RPS3: variants seen among roughly 807,000 people sequenced by gnomAD.
RPS3 encodes ribosomal protein S3, also known as small ribosomal subunit protein uS3.
In RPS3, 2 loss-of-function variants were observed where a neutral mutation model predicts 25.8. That is an observed-to-expected ratio of 0.08 (90% CI 0.03 to 0.24). RPS3 has a LOEUF of 0.24. Among genes scored for constraint, RPS3 ranks in the 10% least tolerant of loss-of-function variants. The pLI is 1.00. For missense variants in RPS3, 107 were observed against 307.1 expected (o/e 0.35, Z 4.87); for synonymous variants, 114 against 114.2 (o/e 1.00, Z 0.01).
At chr11:75,405,122 CTCCCTTATTT>C (rs1948267354) in intron 6 of RPS3, 10 of 316,106 alleles carry the variant, frequency 3.2e-5, no homozygotes, top group Non-Finnish European at 5.8e-6. Context: ...TTCCCTTATC[CTCCCTTATTT>C]GCTCAAAATT....
chr11:75,411,199 A>G (rs987117387), downstream of RPS3, among the ~76,000 whole-genome samples: 1 of 151,768 alleles, frequency 6.6e-6, no homozygotes, highest in Middle Eastern at 3.2e-3. Context: ...TTTAGTAGAG[A>G]TGGGGTTTCA....
At chr11:75,419,289 C>T (rs902783544) in intron 6 of RPS3, among the ~76,000 whole-genome samples, 24 of 152,110 alleles carry the variant, frequency 1.6e-4, no homozygotes, top group African/African-American at 4.8e-5. Context: ...CTTGGTGGCT[C>T]ATGCCTGTAA....
At chr11:75,399,864 G>A in intron 1 of RPS3, 1 of 529,672 alleles carries the variant, frequency 1.9e-6, no homozygotes, top group Admixed American at 3.7e-5. Flanking sequence ...ATTAGTAAAC[G>A]TGGTATTTTG....
intron 6 of RPS3, chr11:75,405,070 C>T (rs936773644): frequency 2.4e-6 from 1 of 424,150 alleles, no homozygotes; most frequent in Admixed American, 4.0e-5. Flanking sequence ...TTATTCTTTC[C>T]AGAAAGAAGT....
intron 6 of RPS3, among the ~76,000 whole-genome samples, chr11:75,415,032 C>A (rs144586224): frequency 6.6e-6 from 1 of 152,214 alleles, no homozygotes; most frequent in East Asian, 1.9e-4. Context: ...ACAGACCCCA[C>A]CCAGTCCACC....
chr11:75,419,896 A>G (rs1239705410), intron 6 of RPS3, among the ~76,000 whole-genome samples: 2 of 152,228 alleles, frequency 1.3e-5, no homozygotes, highest in East Asian at 3.9e-4. Context: ...GGCCTCCCTA[A>G]GTACTGGGTT....
intron 2 of RPS3, among the ~76,000 whole-genome samples, chr11:75,401,425 G>C (rs1043112513): frequency 4.6e-5 from 7 of 152,154 alleles, no homozygotes; most frequent in African/African-American, 1.7e-4. Flanking sequence ...TTGAGCTCAA[G>C]AGGTTCAGGC....
chr11:75,420,660 G>A (rs1948435432), intron 6 of RPS3, among the ~76,000 whole-genome samples: 1 of 152,094 alleles, frequency 6.6e-6, no homozygotes, highest in South Asian at 2.1e-4. Flanking sequence ...AGTGTAGTCA[G>A]TGGGAAGCCT....
chr11:75,405,369 T>C (rs1319229107), intron 6 of RPS3: 1 of 289,066 alleles, frequency 3.5e-6, no homozygotes, highest in Non-Finnish European at 6.7e-6. Context: ...TATTCTGTCC[T>C]TTAGCAGCCC....
chr11:75,409,897 G>A (rs1445713503), downstream of RPS3, among the ~76,000 whole-genome samples: 5 of 143,260 alleles, frequency 3.5e-5, no homozygotes, highest in Admixed American at 6.9e-5. Context: ...GCCGGGCAGA[G>A]GCGCCCCTCA....
In RPS3 at chr11:75,404,862, A is replaced by G. The variant is rs1948262271; in HGVS notation, c.729A>G (p.Ala243=). 1.2e-6 allele frequency: 2 copies of G among 1,603,964 alleles called. No homozygotes were observed. Among genetic ancestry groups the G allele is most frequent in the African/African-American group, 1.3e-5 (1 of 74,744 alleles). Residue 243 remains alanine (A), a synonymous_variant, in exon 6 of 7, where the codon GCA becomes GCG. Coordinates refer to ENST00000531188, the MANE Select transcript of RPS3 (RefSeq NM_001005.5). This position sits in a 1 kb window ranked among gnomAD's most constrained non-coding sequence, Gnocchi z 4.6. ...PPAMPQPVPT[A] is the part of the protein sequence containing the mutation. ...CCATGCCCCAGCCAGTCCCCACAGC[A>G]TAACAGGTATGTCTGCAAGGGCAGG...
At chr11:75,405,520 G>A in intron 6 of RPS3, 94 bp from the exon 7 acceptor site, 1 of 424,662 alleles carries the variant, frequency 2.4e-6, no homozygotes, top group South Asian at 1.7e-5. Flanking sequence ...TAATGTTGCT[G>A]CAAACCCTAA....
chr11:75,421,927 A>AAT (rs966423940), exon 7 of RPS3: 1 of 152,196 alleles, frequency 6.6e-6, no homozygotes, highest in African/African-American at 2.4e-5. Context: ...TTTAACTGTT[A>AAT]ATATATATAG....
chr11:75,412,212 G>C (rs574345785), intron 6 of RPS3, among the ~76,000 whole-genome samples: 1 of 152,146 alleles, frequency 6.6e-6, no homozygotes, highest in South Asian at 2.1e-4. Flanking sequence ...AGCCTTCCCT[G>C]ATCTGGCTCT....
chr11:75,400,807 C>A lies in RPS3; in HGVS notation c.144C>A (p.Ile48=). 6.2e-7 allele frequency: 1 copy of A among 1,612,134 alleles called. No homozygotes were observed. The highest frequency in any genetic ancestry group is 1.1e-5 in the South Asian group (1 of 90,962). ...EVRVTPTRTE[I]IILATRTQNV... ...GAGTTACACCAACCAGGACAGAAAT[C>A]ATTATCTTAGCCACCAGGTAAAACT... Residue 48 remains isoleucine (I), a synonymous_variant, in exon 2 of 7, where the codon ATC becomes ATA. Transcript: ENST00000531188.
At chr11:75,401,962 A>G (rs868306373) in intron 3 of RPS3, 4 of 568,252 alleles carry the variant, frequency 7.0e-6, no homozygotes, top group South Asian at 2.2e-5. Flanking sequence ...ATGATGGATT[A>G]ACTGTCCCCA....
intron 4 of RPS3, chr11:75,402,873 T>C (rs950607984): frequency 6.4e-6 from 1 of 155,204 alleles, no homozygotes; most frequent in Admixed American, 6.3e-5. Flanking sequence ...ACCATGAAAC[T>C]TTAGTAGCAA....
chr11:75,419,327 GTGGATC>G (rs1415416141), intron 6 of RPS3, among the ~76,000 whole-genome samples: 1 of 152,116 alleles, frequency 6.6e-6, no homozygotes, highest in East Asian at 1.9e-4. Context: ...GCTGAGGCGG[GTGGATC>G]ACCTGAGGTC....
chr11:75,422,177 A>C (rs1333606648), exon 7 of RPS3: 2 of 163,406 alleles, frequency 1.2e-5, no homozygotes, highest in African/African-American at 4.8e-5. Context: ...TCCCATGTGA[A>C]GACTCAGCAA....
Sources: allele counts gnomAD v4.1 joint callset (sites outside exome capture counted in the v4.1 genomes callset), GRCh38; gene constraint gnomAD v4.1.1; non-coding constraint Gnocchi (gnomAD v3.1); transcripts MANE v1.5; gene names NCBI Gene and HGNC (gene_info 2026-07-23, HGNC 2026-07-21).